Variants in CUBN observed in about 807,000 individuals in gnomAD.
CUBN encodes the protein cubilin.
CUBN carries 282 observed loss-of-function variants against 405.3 expected under a neutral mutation model. The ratio of observed to expected loss-of-function variants is 0.70; its 90% CI spans 0.63 to 0.77. CUBN has a LOEUF of 0.77. Ranked by LOEUF, CUBN falls within the 30% of genes least tolerant of loss-of-function variation. CUBN has a pLI of 0.00. For synonymous variants in CUBN, 1,684 were observed against 1,617.0 expected (o/e 1.04, Z -0.99); for missense variants, 4,514 against 4,475.2 (o/e 1.01, Z -0.25).
chr10:17,098,426 C>T (rs1178847669), intron 14 of CUBN, among the ~76,000 whole-genome samples: 2 of 152,192 alleles, frequency 1.3e-5, no homozygotes, highest in African/African-American at 4.8e-5. Flanking sequence ...AAAGAACACT[C>T]TTCATCTGAT....
At chr10:17,067,142 G>C (rs563290696) in intron 21 of CUBN, among the ~76,000 whole-genome samples, 1 of 152,190 alleles carries the variant, frequency 6.6e-6, no homozygotes, top group Middle Eastern at 3.4e-3. Context: ...ATGAAAAGAC[G>C]TGGGAAAGTA....
intron 47 of CUBN, among the ~76,000 whole-genome samples, 192 bp from the exon 48 acceptor site, chr10:16,914,184 C>T (rs1841815225): frequency 6.6e-6 from 1 of 152,140 alleles, no homozygotes; most frequent in Non-Finnish European, 1.5e-5. Context: ...TTTAACCCTG[C>T]CTTCCATGGG....
chr10:16,989,150 C>A (rs1833509795), intron 29 of CUBN, among the ~76,000 whole-genome samples: 1 of 152,060 alleles, frequency 6.6e-6, no homozygotes, highest in Non-Finnish European at 1.5e-5. Context: ...GATATAGAAT[C>A]CTTGTCATGC....
At chr10:17,030,682 G>T (rs903258832) in intron 27 of CUBN, among the ~76,000 whole-genome samples, 1 of 152,184 alleles carries the variant, frequency 6.6e-6, no homozygotes, top group Non-Finnish European at 1.5e-5. Context: ...ACTTTGGGAA[G>T]CCGAGGTGTG....
At position 16,828,817 on chromosome 10, in the gene CUBN, T is replaced by C. The variant is rs886046862; in HGVS notation, c.10752A>G (p.Pro3584=). 1 of 1,611,072 alleles carries C rather than the reference T, an allele frequency of 6.2e-7. No individual in the cohort carries two copies. Among genetic ancestry groups the C allele is most frequent in the Non-Finnish European group, 8.5e-7 (1 of 1,177,154 alleles). Residue 3584 remains proline (P), a synonymous_variant, in exon 66 of 67, where the codon CCA becomes CCG. Transcript: ENST00000377833. ...GPNASSPSSG[P]YCGGDTSIAP... is the part of the protein sequence containing the mutation. ...TTGTTTTACTCACGCCTCCGCAGTA[T>C]GGTCCAGAGGATGGAGAGCTGGCGT... is the stretch of plus-strand genomic sequence containing the variant.
chr10:16,982,397 A>G, intron 31 of CUBN, 87 bp downstream of exon 31: 3 of 1,178,468 alleles, frequency 2.5e-6, no homozygotes, highest in Non-Finnish European at 3.8e-6. Flanking sequence ...AAACACCCAT[A>G]AGTAATACAT....
intron 27 of CUBN, among the ~76,000 whole-genome samples, chr10:17,023,973 C>T (rs1027980997): frequency 6.6e-6 from 1 of 150,694 alleles, no homozygotes; most frequent in Non-Finnish European, 1.5e-5. Context: ...TGGCTTAGGT[C>T]CCCCCACCCC....
At chr10:16,905,501 T>A (rs1190914708) in intron 50 of CUBN, among the ~76,000 whole-genome samples, 1 of 152,132 alleles carries the variant, frequency 6.6e-6, no homozygotes, top group Non-Finnish European at 1.5e-5. Context: ...CTCAGGAGAA[T>A]TTCACAGCCC....
At chr10:16,939,994 A>G (rs1459567359) in intron 37 of CUBN, 38 bp downstream of exon 37, 1 of 1,466,952 alleles carries the variant, frequency 6.8e-7, no homozygotes, top group South Asian at 1.1e-5. Flanking sequence ...TTTGTAAGAC[A>G]TATTCTGGAA....
intron 13 of CUBN, among the ~76,000 whole-genome samples, chr10:17,102,001 A>G (rs1370006859): frequency 1.3e-5 from 2 of 152,170 alleles, no homozygotes; most frequent in Non-Finnish European, 2.9e-5. Flanking sequence ...TTTGCACAAT[A>G]ATCAACATAA....
At chr10:17,114,245 C>T in intron 7 of CUBN, 56 bp from the exon 8 acceptor site, 3 of 1,564,270 alleles carry the variant, frequency 1.9e-6, no homozygotes, top group Non-Finnish European at 2.6e-6. Context: ...GCAAGAAAAG[C>T]CTTTGAACAT....
At position 17,089,367 on chromosome 10, in the gene CUBN, C is replaced by T. The variant is rs1836200159; in HGVS notation, c.1766-1022G>A. Among the ~76,000 whole-genome samples the T allele has an allele frequency of 2.6e-5, 4 of 151,798 alleles. No homozygotes were observed. In the South Asian group the frequency reaches 8.3e-4, roughly 31 times the overall value. ...CATAAGCAAAGGAAAAGATTAATGA[C>T]AAAATAAGAAAAAATGCAATATGCA... On this transcript the variant is annotated intron_variant, in intron 14 of 66. Coordinates refer to ENST00000377833, the MANE Select transcript of CUBN (RefSeq NM_001081.4).
chr10:16,906,763 A>T (rs111755227), intron 49 of CUBN, among the ~76,000 whole-genome samples: 3 of 152,188 alleles, frequency 2.0e-5, no homozygotes, highest in African/African-American at 7.2e-5. Flanking sequence ...CTTGATTAGC[A>T]ATTCTCCACT....
At chr10:16,934,227 G>A (rs11591673) in intron 39 of CUBN, among the ~76,000 whole-genome samples, 43,765 of 152,016 alleles carry the variant, frequency 0.29, 6,664 homozygotes, top group African/African-American at 0.37. Context: ...TAAATATGCC[G>A]CAGATTGCTA....
intron 56 of CUBN, among the ~76,000 whole-genome samples, chr10:16,878,118 T>A (rs1840564940): frequency 6.6e-6 from 1 of 152,190 alleles, no homozygotes; most frequent in Non-Finnish European, 1.5e-5. Flanking sequence ...CAAAACCCTG[T>A]CTCTACTAAA....
At chr10:16,893,729 C>T (rs1345700790) in intron 54 of CUBN, among the ~76,000 whole-genome samples, 3 of 152,116 alleles carry the variant, frequency 2.0e-5, no homozygotes, top group Middle Eastern at 3.2e-3. Context: ...TTACATTCCA[C>T]GGTAAGCAAG....
chr10:17,036,516 C>T (rs558287833), intron 27 of CUBN, among the ~76,000 whole-genome samples: 37 of 152,058 alleles, frequency 2.4e-4, no homozygotes, highest in Non-Finnish European at 5.3e-4. Flanking sequence ...CTGTCACATG[C>T]GCCTGTCCTC....
At chr10:16,922,761 A>C (rs548720202) in intron 43 of CUBN, among the ~76,000 whole-genome samples, 1 of 152,052 alleles carries the variant, frequency 6.6e-6, no homozygotes, top group Admixed American at 6.5e-5. Flanking sequence ...CTTCCCCTGG[A>C]ACCCTCTCTG....
chr10:17,079,102 C>T (rs1056164452), intron 17 of CUBN, among the ~76,000 whole-genome samples: 8 of 152,152 alleles, frequency 5.3e-5, no homozygotes, highest in Non-Finnish European at 1.2e-4. Flanking sequence ...TATCTTCTTC[C>T]TTCACTAAAA....
Sources: allele counts gnomAD v4.1 joint callset (sites outside exome capture counted in the v4.1 genomes callset), GRCh38; gene constraint gnomAD v4.1.1; transcripts MANE v1.5; gene names NCBI Gene and HGNC (gene_info 2026-07-23, HGNC 2026-07-21).